GLOD4: variants seen among roughly 807,000 people sequenced by gnomAD.
GLOD4 encodes the protein glyoxalase domain containing 4.
GLOD4 carries 44 observed loss-of-function variants against 39.1 expected under a neutral mutation model. The ratio of observed to expected loss-of-function variants is 1.13; its 90% CI spans 0.88 to 1.45. The LOEUF is 1.45. Ranked by LOEUF, GLOD4 falls within the 40% of genes most tolerant of loss-of-function variation. GLOD4 has a pLI of 0.00. For missense variants in GLOD4, 405 were observed against 366.4 expected (o/e 1.11, Z -0.86); for synonymous variants, 145 against 135.0 (o/e 1.07, Z -0.52).
chr17:779,900 C>A (rs144281854), intron 1 of GLOD4, among the ~76,000 whole-genome samples: 25 of 152,118 alleles, frequency 1.6e-4, no homozygotes, highest in Non-Finnish European at 8.8e-5. Context: ...CGCGGTGGCT[C>A]ACGCCTGTAA....
chr17:782,687 G>A (rs1027499245), upstream of GLOD4: 1 of 1,598,836 alleles, frequency 6.3e-7, no homozygotes, highest in African/African-American at 1.3e-5. Flanking sequence ...GGGACAGGAG[G>A]CTGAGGTGAT....
chr17:774,628 C>T (rs1231909291), intron 4 of GLOD4, among the ~76,000 whole-genome samples: 1 of 152,158 alleles, frequency 6.6e-6, no homozygotes, highest in Non-Finnish European at 1.5e-5. Flanking sequence ...AAACTGACCT[C>T]GGCTCCAGAG....
At chr17:782,774 G>C (rs957000155), upstream of GLOD4, 8 of 1,416,912 alleles carry the variant, frequency 5.6e-6, no homozygotes, top group African/African-American at 1.0e-4. Flanking sequence ...TCCGATGGAG[G>C]ACTTCTTCCA....
intron 4 of GLOD4, 74 bp from the exon 5 acceptor site, chr17:771,535 T>G: frequency 5.1e-6 from 4 of 779,040 alleles, no homozygotes; most frequent in Non-Finnish European, 6.0e-6. Context: ...CATGCGCATG[T>G]ATACTTACAA....
chr17:773,028 CA>C (rs1364718964), intron 4 of GLOD4, among the ~76,000 whole-genome samples: 2 of 152,050 alleles, frequency 1.3e-5, no homozygotes, highest in East Asian at 3.9e-4. Flanking sequence ...CCGACGCCCC[CA>C]AACAACAAAG....
intron 1 of GLOD4, among the ~76,000 whole-genome samples, chr17:780,386 C>A (rs1909680705): frequency 6.6e-6 from 1 of 152,102 alleles, no homozygotes; most frequent in African/African-American, 2.4e-5. Context: ...ATCCTGATAT[C>A]CCATCTCCTT....
intron 2 of GLOD4, among the ~76,000 whole-genome samples, chr17:777,973 T>C (rs1909239562): frequency 1.3e-5 from 2 of 152,126 alleles, no homozygotes; most frequent in African/African-American, 4.8e-5. Flanking sequence ...GAGACTGGGC[T>C]CTATTAGGCT....
At chr17:777,183 C>T (rs1159198666) in intron 2 of GLOD4, 195 bp from the exon 3 acceptor site, 4 of 592,616 alleles carry the variant, frequency 6.7e-6, no homozygotes, top group Non-Finnish European at 1.2e-5. Flanking sequence ...GCTCCAAAGA[C>T]TATCCAGCAT....
At position 775,835 on chromosome 17, in the gene GLOD4, CA is replaced by C; in HGVS notation, c.345del (p.Phe115LeufsTer25). On this transcript the variant is annotated frameshift_variant, in exon 4 of 9. Transcript: ENST00000301329. LOFTEE classifies it high-confidence loss of function. ...TTATATCCTCCCGGGGCCTCGGTTT[CA>C]AAAACACCTTCTGCAACTTCCGTCA... ...WPLTEVAEGV[F>X]ETEAPGGYKF... 2 of 1,613,924 alleles carry C rather than the reference CA, an allele frequency of 1.2e-6. No individual in the cohort carries two copies. Among genetic ancestry groups the C allele is most frequent in the Middle Eastern group, 1.7e-4 (1 of 6,060 alleles).
upstream of GLOD4, among the ~76,000 whole-genome samples, chr17:784,114 GT>G (rs1216869517): frequency 1.3e-5 from 2 of 152,202 alleles, no homozygotes; most frequent in Admixed American, 6.5e-5. Flanking sequence ...TTAACCTTAT[GT>G]AACTCCGATG....
rs1905174063 is a variant in GLOD4 at position 759,885 on chromosome 17, C to T, written c.*288G>A. 2.7e-6 allele frequency: 1 copy of T among 373,200 alleles called. No individual in the cohort carries two copies. The highest frequency in any genetic ancestry group is 4.3e-5 in the Admixed American group (1 of 23,520). 23.1% of individuals were successfully genotyped at this position (373,200 alleles called of 1,614,324 possible). A position where few individuals can be genotyped will look rare whatever the true frequency, so the allele number is the denominator to read the frequency against. Reference sequence around the variant, plus strand: ...CCAAAGTCATGTTCATGCCGCTGTCCTAGTCTGGACAATCATCTGTCACTC... The same window carrying T: ...CCAAAGTCATGTTCATGCCGCTGTCTTAGTCTGGACAATCATCTGTCACTC... On this transcript the variant is annotated 3_prime_UTR_variant, in exon 9 of 9. Coordinates refer to ENST00000301329, the MANE Select transcript of GLOD4 (RefSeq NM_016080.4).
At chr17:775,363 G>A (rs1908726809) in intron 4 of GLOD4, among the ~76,000 whole-genome samples, 1 of 152,268 alleles carries the variant, frequency 6.6e-6, no homozygotes, top group East Asian at 1.9e-4. Context: ...GCAACCTTGA[G>A]GGGACTAGTT....
intron 4 of GLOD4, 138 bp downstream of exon 4, chr17:775,637 G>T: frequency 1.5e-6 from 1 of 679,238 alleles, no homozygotes; most frequent in South Asian, 1.8e-5. Context: ...TAGTCTCTCC[G>T]ATAACAGGTA....
upstream of GLOD4, among the ~76,000 whole-genome samples, chr17:785,163 T>TA (rs60370706): frequency 2.4e-4 from 35 of 147,254 alleles, no homozygotes; most frequent in African/African-American, 3.5e-4. Context: ...GTGCTTGGCT[T>TA]AAAAAAAAAA....
chr17:768,033 G>C (rs1226906879), intron 8 of GLOD4, among the ~76,000 whole-genome samples: 1 of 150,188 alleles, frequency 6.7e-6, no homozygotes, highest in African/African-American at 2.5e-5. Flanking sequence ...ATTTTTAGAA[G>C]AAGAAATCTG....
chr17:783,347 A>AT (rs750093342), upstream of GLOD4: 4 of 1,444,910 alleles, frequency 2.8e-6, no homozygotes, highest in Admixed American at 2.5e-5. Context: ...TACCCAGTGT[A>AT]TCTTTTTTTT....
At chr17:783,058 T>G (rs758705940), upstream of GLOD4, 206 of 865,252 alleles carry the variant, frequency 2.4e-4, no homozygotes, top group East Asian at 1.3e-3. Context: ...AGTTACCTGT[T>G]TTTTTTTTTT....
chr17:773,518 G>T (rs1567793285), intron 4 of GLOD4, among the ~76,000 whole-genome samples: 1 of 151,558 alleles, frequency 6.6e-6, no homozygotes, highest in African/African-American at 2.4e-5. Flanking sequence ...GGGTGTGTGT[G>T]TTTTTTTTCA....
At chr17:768,987 A>T (rs918015638) in intron 8 of GLOD4, among the ~76,000 whole-genome samples, 19 of 152,254 alleles carry the variant, frequency 1.2e-4, no homozygotes, top group Admixed American at 3.3e-4. Flanking sequence ...AGAAGGAGAA[A>T]TCTGGAGAGG....
Sources: allele counts gnomAD v4.1 joint callset (sites outside exome capture counted in the v4.1 genomes callset), GRCh38; gene constraint gnomAD v4.1.1; transcripts MANE v1.5; gene names NCBI Gene and HGNC (gene_info 2026-07-23, HGNC 2026-07-21).